Variants in IGF2BP1 observed in about 807,000 individuals in gnomAD.
IGF2BP1 encodes the protein insulin-like growth factor 2 mRNA-binding protein 1.
IGF2BP1 carries 11 observed loss-of-function variants against 74.9 expected under a neutral mutation model. That is an observed-to-expected ratio of 0.15 (90% CI 0.09 to 0.24). The LOEUF is 0.24. IGF2BP1 is among the 10% of genes least tolerant of loss of function. The pLI, the probability that IGF2BP1 is intolerant of heterozygous loss-of-function variation, is 1.00. For synonymous variants in IGF2BP1, 287 were observed against 281.8 expected (o/e 1.02, Z -0.18); for missense variants, 440 against 757.4 (o/e 0.58, Z 4.92).
At chr17:49,024,654 A>G (rs565861848) in intron 2 of IGF2BP1, among the ~76,000 whole-genome samples, 5 of 152,344 alleles carry the variant, frequency 3.3e-5, no homozygotes, top group African/African-American at 4.8e-5. Flanking sequence ...CAAAGAGGTT[A>G]AACAATCTTG....
In IGF2BP1 at chr17:49,026,514, C is replaced by G; in HGVS notation, c.334C>G (p.Gln112Glu). 1 of 1,613,966 alleles carries G rather than the reference C, an allele frequency of 6.2e-7. No homozygotes were observed. Among genetic ancestry groups the G allele is most frequent in the Non-Finnish European group, 8.5e-7 (1 of 1,179,878 alleles). Residue 112 changes from glutamine (Q) to glutamate (E), a missense_variant, in exon 4 of 15, where the codon CAA (glutamine) becomes GAA (glutamate). Gln to Glu is a conservative substitution (Grantham distance 29). Coordinates refer to ENST00000290341, the MANE Select transcript of IGF2BP1 (RefSeq NM_006546.4). ...GTATGGTACAGTAGAGAACTGTGAG[C>G]AAGGTAAGAGTGGGCCGGGTGTGGG... ...AQYGTVENCE[Q>E]VNTESETAVV...
chr17:49,039,513 C>T (rs2042026477), intron 6 of IGF2BP1, among the ~76,000 whole-genome samples: 1 of 151,888 alleles, frequency 6.6e-6, no homozygotes, highest in Non-Finnish European at 1.5e-5. Context: ...CTGCAGCCTC[C>T]TCCCAGGTTC....
intron 2 of IGF2BP1, among the ~76,000 whole-genome samples, chr17:49,024,083 ATTTTTTTTT>A (rs765273098): frequency 3.8e-5 from 3 of 78,104 alleles, no homozygotes; most frequent in South Asian, 4.2e-4. Flanking sequence ...CACCCTGCTA[ATTTTTTTTT>A]TTTTTTTTTT....
At chr17:49,011,624 CATT>C (rs1449935880) in intron 2 of IGF2BP1, among the ~76,000 whole-genome samples, 2 of 151,220 alleles carry the variant, frequency 1.3e-5, no homozygotes, top group African/African-American at 4.9e-5. Flanking sequence ...ACGTGTTTCA[CATT>C]ATAATGAGCT....
Position 49,046,001 on chromosome 17 carries a change from A to G in IGF2BP1, c.1507A>G (p.Ile503Val). Residue 503 changes from isoleucine (I) to valine (V), a missense_variant, in exon 13 of 15, where the codon ATT becomes GTT. Coordinates refer to ENST00000290341, the MANE Select transcript of IGF2BP1 (RefSeq NM_006546.4). ...GCCAGCATCAGCAGCTGGCCGGGTC[A>G]TTGGCAAAGGTGGAAAAACGGTGAG... ...RVPASAAGRVIGKGGKTVNEL... is the reference protein window; with the variant it reads ...RVPASAAGRVVGKGGKTVNEL... 1 of 1,614,156 alleles carries G rather than the reference A, an allele frequency of 6.2e-7. No homozygotes were observed. Among genetic ancestry groups the G allele is most frequent in the Non-Finnish European group, 8.5e-7 (1 of 1,180,032 alleles).
At chr17:49,002,053 A>C (rs2041493323) in intron 2 of IGF2BP1, among the ~76,000 whole-genome samples, 1 of 152,036 alleles carries the variant, frequency 6.6e-6, no homozygotes, top group Non-Finnish European at 1.5e-5. Context: ...AGATGCACTG[A>C]CTCATTTTTT....
chr17:49,035,152 T>C (rs951917151), intron 5 of IGF2BP1, among the ~76,000 whole-genome samples: 1 of 152,224 alleles, frequency 6.6e-6, no homozygotes, highest in African/African-American at 2.4e-5. Flanking sequence ...CTGGTTTTTG[T>C]TTTTATTTTC....
chr17:49,033,652 A>G (rs962186941), intron 5 of IGF2BP1, among the ~76,000 whole-genome samples: 3 of 151,806 alleles, frequency 2.0e-5, no homozygotes, highest in African/African-American at 7.3e-5. Flanking sequence ...TGCCTTATTA[A>G]CATTTCTAAC....
intron 2 of IGF2BP1, among the ~76,000 whole-genome samples, chr17:49,014,300 C>G (rs1379090087): frequency 7.3e-6 from 1 of 137,494 alleles, no homozygotes; most frequent in Admixed American, 7.2e-5. Context: ...CGCCGTCCCC[C>G]TCTGTCTCCC....
intron 2 of IGF2BP1, among the ~76,000 whole-genome samples, chr17:49,005,150 C>A (rs2041535280): frequency 6.6e-6 from 1 of 152,172 alleles, no homozygotes; most frequent in Non-Finnish European, 1.5e-5. Context: ...TGCAATAATA[C>A]AACAGGCTGG....
At chr17:49,036,053 G>A (rs368119066) in intron 5 of IGF2BP1, among the ~76,000 whole-genome samples, 1 of 152,128 alleles carries the variant, frequency 6.6e-6, no homozygotes, top group Admixed American at 6.5e-5. Flanking sequence ...CACGGTGACC[G>A]CATTTCCCAG....
rs547468157 is a variant in IGF2BP1 at position 48,999,560 on chromosome 17, C to T, written c.236+391C>T. Among the ~76,000 whole-genome samples, 10 of 152,126 alleles carry T rather than the reference C, an allele frequency of 6.6e-5. No homozygotes were observed. The South Asian group carries it at 2.1e-3, about 32-fold the overall frequency. ...GCAACTTCGTAGCAGGCCTCATTTT[C>T]TGTTTTTCCCACTCTTTCCACACCA... On this transcript the variant is annotated intron_variant, in intron 2 of 14. Transcript: ENST00000290341.
intron 2 of IGF2BP1, among the ~76,000 whole-genome samples, chr17:49,003,890 G>A (rs2041515013): frequency 6.6e-6 from 1 of 151,918 alleles, no homozygotes; most frequent in Non-Finnish European, 1.5e-5. Flanking sequence ...CGGGAGAGGG[G>A]TCGGAGACGG....
At chr17:49,015,186 T>G (rs1186638722) in intron 2 of IGF2BP1, among the ~76,000 whole-genome samples, 3 of 152,326 alleles carry the variant, frequency 2.0e-5, no homozygotes, top group Non-Finnish European at 4.4e-5. Context: ...TTGGCCAGGC[T>G]GGTCTCGAAC....
intron 5 of IGF2BP1, among the ~76,000 whole-genome samples, chr17:49,032,391 C>G (rs2041933816): frequency 6.6e-6 from 1 of 152,052 alleles, no homozygotes; most frequent in Non-Finnish European, 1.5e-5. Flanking sequence ...ATTCCTCAAC[C>G]TTGGGATGCT....
intron 2 of IGF2BP1, among the ~76,000 whole-genome samples, chr17:49,023,475 T>C (rs1300471487): frequency 1.3e-5 from 2 of 152,206 alleles, no homozygotes; most frequent in African/African-American, 4.8e-5. Context: ...ACTGAGGTCA[T>C]ATGGGTAAAG....
chr17:49,025,411 T>C (rs1480199350), intron 2 of IGF2BP1, among the ~76,000 whole-genome samples: 1 of 150,596 alleles, frequency 6.6e-6, no homozygotes, highest in Non-Finnish European at 1.5e-5. Context: ...CTAGGTATGG[T>C]AGCATCCATG....
At chr17:49,022,777 G>C (rs535166977) in intron 2 of IGF2BP1, among the ~76,000 whole-genome samples, 26 of 152,280 alleles carry the variant, frequency 1.7e-4, no homozygotes, top group Admixed American at 1.2e-3. Flanking sequence ...TTTGAAGTGC[G>C]AGGGAATTTT....
At chr17:49,021,863 GGGTCCCT>G (rs1204097343) in intron 2 of IGF2BP1, among the ~76,000 whole-genome samples, 1 of 152,208 alleles carries the variant, frequency 6.6e-6, no homozygotes, top group East Asian at 1.9e-4. Context: ...GTGCTGGAGC[GGGTCCCT>G]GGTCCCTGGA....
Sources: gnomAD v4.1 joint callset for allele counts (sites outside exome capture counted in the v4.1 genomes callset) on GRCh38, gnomAD v4.1.1 for gene constraint, MANE v1.5 for transcripts, NCBI Gene and HGNC (gene_info 2026-07-23, HGNC 2026-07-21) for gene names.